Variants in TNRC6A observed in about 807,000 individuals in gnomAD.
TNRC6A encodes trinucleotide repeat containing adaptor 6A.
In TNRC6A, 44 loss-of-function variants were observed where a neutral mutation model predicts 221.2. The ratio of observed to expected loss-of-function variants is 0.20; its 90% CI spans 0.16 to 0.26. The LOEUF (loss-of-function observed/expected upper bound fraction) is 0.26. Ranked by LOEUF, TNRC6A falls within the 10% of genes least tolerant of loss-of-function variation. The pLI, the probability that TNRC6A is intolerant of heterozygous loss-of-function variation, is 1.00. For synonymous variants in TNRC6A, 847 were observed against 838.5 expected, an observed-to-expected ratio of 1.01 and a Z score of -0.18; for missense variants, 2,199 against 2,404.4, an observed-to-expected ratio of 0.91 and a Z score of 1.79.
At chr16:24,759,274 G>A (rs992671426) in intron 4 of TNRC6A, among the ~76,000 whole-genome samples, 11 of 152,108 alleles carry the variant, frequency 7.2e-5, no homozygotes, top group South Asian at 2.1e-4. Context: ...ATAGATAGGG[G>A]CCAGGTCAAA....
chr16:24,680,470 A>C (rs2055509653), intron 2 of TNRC6A, among the ~76,000 whole-genome samples: 1 of 151,742 alleles, frequency 6.6e-6, no homozygotes. Flanking sequence ...CTGTAATCCC[A>C]ACAGTTTGGG....
chr16:24,790,459 A>G lies in TNRC6A; in HGVS notation c.1817A>G (p.Gln606Arg). ...GSRRGWGTPA[Q>R]NTGTNLPSVE... ...CGAAGAGGATGGGGAACCCCTGCAC[A>G]AAACACTGGCACTAATTTACCCAGC... is the stretch of plus-strand genomic sequence containing the variant. The change falls in exon 6 of 25, where the codon CAA becomes CGA. Residue 606 changes from glutamine (Q) to arginine (R), a missense_variant. Physicochemically the swap from Gln to Arg is conservative, Grantham distance 43. This residue lies in a region of TNRC6A where 1,405 missense variants were observed against 1,400.2 expected (regional missense o/e 1.00). Transcript: ENST00000395799. 5 of 1,614,258 alleles carry G rather than the reference A, an allele frequency of 3.1e-6. No individual in the cohort carries two copies. Among genetic ancestry groups the G allele is most frequent in the Non-Finnish European group, 3.4e-6 (4 of 1,180,050 alleles).
At position 24,804,238 on chromosome 16, in the gene TNRC6A, T is replaced by C. The variant is rs749294651; in HGVS notation, c.3756T>C (p.Asn1252=). The change falls in exon 12 of 25, where the codon AAT becomes AAC. Residue 1252 remains asparagine, a synonymous_variant. Coordinates refer to ENST00000395799, the MANE Select transcript of TNRC6A (RefSeq NM_014494.4). ...DKHSLNIGDY[N]RTVGKGPGSR... ...ATAGCCTAAATATTGGTGATTACAA[T>C]CGAACGGTCGGGAAAGGCCCTGGTT... 4.3e-6 allele frequency: 7 copies of C among 1,613,730 alleles called. No individual in the cohort carries two copies. The African/African-American group carries it at 8.0e-5, about 18-fold the overall frequency.
In TNRC6A at chr16:24,812,019, A is replaced by AT. The variant is rs71156440; in HGVS notation, c.4672+2585dup. 2.0e-4 allele frequency among the ~76,000 whole-genome samples: 8 copies of AT among 40,854 alleles called. 2 individuals are homozygous for AT. Among genetic ancestry groups the AT allele is most frequent in the Non-Finnish European group, 1.3e-4 (3 of 23,660 alleles). 26.8% of individuals were successfully genotyped at this position (40,854 alleles called of 152,430 possible). On this transcript the variant is annotated intron_variant, in intron 18 of 24. Coordinates refer to ENST00000395799, the MANE Select transcript of TNRC6A (RefSeq NM_014494.4). ...CCGTTCAGGGGAATGTCACTTTGGGATTTTTTTTTTTTTTTTTTTTTTTTT... is the reference window on the plus strand; with the variant it reads ...CCGTTCAGGGGAATGTCACTTTGGGATTTTTTTTTTTTTTTTTTTTTTTTTT...
chr16:24,731,078 C>CTT (rs2151166108), intron 2 of TNRC6A, among the ~76,000 whole-genome samples: 1 of 151,878 alleles, frequency 6.6e-6, no homozygotes, highest in South Asian at 2.1e-4. Flanking sequence ...TATTTAACTC[C>CTT]TTTTCACATT....
At chr16:24,786,676 G>A (rs746745120) in intron 5 of TNRC6A, among the ~76,000 whole-genome samples, 2 of 151,732 alleles carry the variant, frequency 1.3e-5, no homozygotes, top group Non-Finnish European at 2.9e-5. Flanking sequence ...ATACTGTTTC[G>A]TTTTTGTTGT....
At chr16:24,649,296 T>TTTGTC (rs923756045) in intron 2 of TNRC6A, among the ~76,000 whole-genome samples, 10 of 151,924 alleles carry the variant, frequency 6.6e-5, no homozygotes, top group Admixed American at 1.3e-4. Flanking sequence ...TTCTTTGTTT[T>TTTGTC]TTGTTTTGTT....
At chr16:24,810,068 C>T (rs1477759506) in intron 18 of TNRC6A, among the ~76,000 whole-genome samples, 1 of 152,228 alleles carries the variant, frequency 6.6e-6, no homozygotes. Flanking sequence ...CTGCCTTGGT[C>T]TCCCAAAGTG....
chr16:24,668,013 A>C (rs1327050619), intron 2 of TNRC6A, among the ~76,000 whole-genome samples: 1 of 151,654 alleles, frequency 6.6e-6, no homozygotes, highest in African/African-American at 2.4e-5. Context: ...CAACAGAGCA[A>C]GACCCTGTGT....
chr16:24,641,596 T>C (rs1354418168), intron 2 of TNRC6A, among the ~76,000 whole-genome samples: 1 of 152,206 alleles, frequency 6.6e-6, no homozygotes, highest in Non-Finnish European at 1.5e-5. Context: ...CTTTTATATA[T>C]GTCTACTTGC....
intron 10 of TNRC6A, 57 bp downstream of exon 10, chr16:24,797,627 T>G (rs1429586680): frequency 7.5e-7 from 1 of 1,337,260 alleles, no homozygotes; most frequent in East Asian, 2.4e-5. Context: ...ATGATTTATC[T>G]TGATTTCACT....
chr16:24,777,468 G>A (rs1596683243), intron 5 of TNRC6A, 110 bp downstream of exon 5: 1 of 1,081,660 alleles, frequency 9.2e-7, no homozygotes, highest in East Asian at 2.4e-5. Flanking sequence ...CAGTATGTGG[G>A]CTTTAATGTA....
At chr16:24,626,087 G>T (rs1010170109) in intron 1 of TNRC6A, among the ~76,000 whole-genome samples, 1 of 152,056 alleles carries the variant, frequency 6.6e-6, no homozygotes, top group East Asian at 1.9e-4. Flanking sequence ...ATGATGCTGA[G>T]GTTTGGAGTA....
intron 20 of TNRC6A, among the ~76,000 whole-genome samples, chr16:24,817,859 A>G (rs1490556584): frequency 6.6e-6 from 1 of 152,164 alleles, no homozygotes; most frequent in Non-Finnish European, 1.5e-5. Context: ...AGCCAAGCAT[A>G]AATTCTCATG....
intron 17 of TNRC6A, among the ~76,000 whole-genome samples, chr16:24,807,084 C>T (rs1160589231): frequency 2.6e-5 from 4 of 151,634 alleles, no homozygotes; most frequent in African/African-American, 9.7e-5. Context: ...TGGCTCACTG[C>T]AACCTCTGCC....
intron 2 of TNRC6A, among the ~76,000 whole-genome samples, chr16:24,741,150 G>A (rs376835783): frequency 3.3e-5 from 5 of 152,210 alleles, no homozygotes; most frequent in South Asian, 2.1e-4. Context: ...ACTCACACAC[G>A]CACTCTCTTT....
intron 2 of TNRC6A, among the ~76,000 whole-genome samples, chr16:24,709,652 C>G (rs7194930): frequency 0.18 from 26,938 of 151,260 alleles, 3,544 homozygotes; most frequent in East Asian, 0.37. Flanking sequence ...TAGAAAGACC[C>G]CATCTCTACC....
Position 24,823,528 on chromosome 16 carries a change from C to T in TNRC6A, c.5610C>T (p.Pro1870=), listed in dbSNP as rs138038217. The change falls in exon 25 of 25, where the codon CCC becomes CCT. Residue 1870 remains proline, a synonymous_variant. Coordinates refer to ENST00000395799, the MANE Select transcript of TNRC6A (RefSeq NM_014494.4). This position sits in a 1 kb window ranked among gnomAD's most constrained non-coding sequence, Gnocchi z 4.3. The part of the protein sequence containing the change: ...FAQSQSLTPS[P]GWQSLGSSQS... ...AAAGCCAGTCTCTGACCCCTTCTCC[C>T]GGCTGGCAGTCTCTCGGGTCCAGCC... The T allele has an allele frequency of 7.8e-5, 126 of 1,614,058 alleles. No homozygotes were observed. The highest frequency in any genetic ancestry group is 1.6e-4 in the Middle Eastern group (1 of 6,078).
rs373869776 is a variant in TNRC6A at position 24,804,240 on chromosome 16, G to A, written c.3758G>A (p.Arg1253Gln). Residue 1253 changes from arginine (R) to glutamine (Q), a missense_variant, in exon 12 of 25, where the codon CGA becomes CAA. Arg to Gln is a conservative substitution (Grantham distance 43, BLOSUM62 1). Transcript: ENST00000395799. Reference protein sequence around the residue: ...KHSLNIGDYNRTVGKGPGSRP... With the variant: ...KHSLNIGDYNQTVGKGPGSRP... ...AGCCTAAATATTGGTGATTACAATC[G>A]AACGGTCGGGAAAGGCCCTGGTTCT... 5 of 1,613,620 alleles carry A rather than the reference G, an allele frequency of 3.1e-6. No homozygotes were observed. The highest frequency in any genetic ancestry group is 1.3e-5 in the African/African-American group (1 of 74,886).
Sources: allele counts gnomAD v4.1 joint callset (sites outside exome capture counted in the v4.1 genomes callset), GRCh38; gene constraint gnomAD v4.1.1; regional missense constraint gnomAD v4.1.1; non-coding constraint Gnocchi (gnomAD v3.1); transcripts MANE v1.5; gene names NCBI Gene and HGNC (gene_info 2026-07-23, HGNC 2026-07-21).